SEZ6L: variants seen among roughly 807,000 people sequenced by gnomAD.
SEZ6L encodes seizure related 6 homolog like, also known as seizure 6-like protein.
Under a neutral mutation model 106.2 loss-of-function variants are expected in SEZ6L, and 37 were observed. The ratio of observed to expected loss-of-function variants is 0.35; its 90% CI spans 0.27 to 0.46. The LOEUF (loss-of-function observed/expected upper bound fraction) is 0.46, where lower values mean the gene tolerates loss of function less well. Among genes scored for constraint, SEZ6L ranks in the 20% least tolerant of loss-of-function variants. The probability of loss-of-function intolerance (pLI) is 1.00; values close to 1 mark genes in which losing one functional copy is unlikely to be tolerated. For synonymous variants in SEZ6L, 541 were observed against 570.4 expected (o/e 0.95, Z 0.73); for missense variants, 1,172 against 1,332.8 (o/e 0.88, Z 1.88).
At chr22:26,191,604 G>A (rs1940225239) in intron 1 of SEZ6L, among the ~76,000 whole-genome samples, 1 of 151,750 alleles carries the variant, frequency 6.6e-6, no homozygotes, top group South Asian at 2.1e-4. Context: ...GGGGTGGGAG[G>A]AGGGAGAGCA....
intron 12 of SEZ6L, among the ~76,000 whole-genome samples, chr22:26,359,204 T>G (rs190765082): frequency 6.6e-6 from 1 of 152,148 alleles, no homozygotes; most frequent in Non-Finnish European, 1.5e-5. Context: ...TGGGGAAAAA[T>G]TCCATATGAC....
chr22:26,300,156 A>AT lies in SEZ6L; in HGVS notation c.1348+996dup, dbSNP rs35878349. ...AGATGTCTAGTCAGGTCCTTTGCCC[A>AT]TTTTTTTTTAATTATACTTTAAGTT... is the stretch of plus-strand genomic sequence containing the variant. On this transcript the variant is annotated intron_variant, in intron 5 of 16. Transcript: ENST00000248933. Among the ~76,000 whole-genome samples, 37 of 151,228 alleles carry AT rather than the reference A, an allele frequency of 2.4e-4. 1 individual carries two copies. Among genetic ancestry groups the AT allele is most frequent in the African/African-American group, 3.2e-4 (13 of 41,268 alleles).
chr22:26,293,512 G>A lies in SEZ6L; in HGVS notation c.835+366G>A, dbSNP rs905224558. On this transcript the variant is annotated intron_variant, in intron 2 of 16. Coordinates refer to ENST00000248933, the MANE Select transcript of SEZ6L (RefSeq NM_021115.5). ...TGTCCAGCTAATTTTTTTGTTTTTT[G>A]TAGAAAGGGGGTCTTGCTTATTGTC... Among the ~76,000 whole-genome samples the A allele has an allele frequency of 2.0e-5, 3 of 151,902 alleles. 1 individual carries two copies. Among genetic ancestry groups the A allele is most frequent in the Non-Finnish European group, 4.4e-5 (3 of 67,962 alleles).
At chr22:26,369,534 T>G (rs1807574) in intron 13 of SEZ6L, among the ~76,000 whole-genome samples, 77,122 of 149,142 alleles carry the variant, frequency 0.52, 20,865 homozygotes, top group East Asian at 0.95. Context: ...TAGAGACGGG[T>G]TTTCACCGTG....
chr22:26,299,435 A>G (rs1403560735), intron 5 of SEZ6L, among the ~76,000 whole-genome samples: 1 of 152,210 alleles, frequency 6.6e-6, no homozygotes, highest in African/African-American at 2.4e-5. Flanking sequence ...TAACACCCCA[A>G]ATGGAAACAC....
chr22:26,358,530 G>T (rs564042749), intron 12 of SEZ6L, among the ~76,000 whole-genome samples: 83 of 152,222 alleles, frequency 5.5e-4, no homozygotes, highest in African/African-American at 1.9e-3. Flanking sequence ...ACTTGATTTC[G>T]AGCTTTTTGT....
At chr22:26,232,346 TCACACACACACACACACACACA>T (rs10654892) in intron 1 of SEZ6L, among the ~76,000 whole-genome samples, 337 of 133,272 alleles carry the variant, frequency 2.5e-3, no homozygotes, top group African/African-American at 6.5e-3. Context: ...TCTCTGTCTT[TCACACACACACACACACACACA>T]CACACACACA....
At chr22:26,245,536 TGGTGCCTCC>T (rs2079307152) in intron 1 of SEZ6L, among the ~76,000 whole-genome samples, 1 of 152,176 alleles carries the variant, frequency 6.6e-6, no homozygotes, top group African/African-American at 2.4e-5. Context: ...GACCTGATGG[TGGTGCCTCC>T]TTTAAGTTTT....
At chr22:26,219,758 G>C (rs981095411) in intron 1 of SEZ6L, among the ~76,000 whole-genome samples, 7 of 152,194 alleles carry the variant, frequency 4.6e-5, no homozygotes, top group Non-Finnish European at 8.8e-5. Flanking sequence ...AAAAAGAACA[G>C]TGTCACAGGG....
intron 12 of SEZ6L, among the ~76,000 whole-genome samples, chr22:26,358,346 C>T (rs1427728526): frequency 6.6e-6 from 1 of 152,218 alleles, no homozygotes; most frequent in East Asian, 1.9e-4. Flanking sequence ...CCAGCTTTCT[C>T]ACCAAAAAGA....
intron 10 of SEZ6L, among the ~76,000 whole-genome samples, chr22:26,346,156 C>A (rs1601564724): frequency 6.6e-6 from 1 of 151,950 alleles, no homozygotes; most frequent in Non-Finnish European, 1.5e-5. Context: ...GCCTCCTGAG[C>A]AGCTGGGACT....
rs549262293 is a variant in SEZ6L at position 26,381,825 on chromosome 22, G to A, written c.*1530G>A. The A allele has an allele frequency of 3.0e-5, 10 of 333,830 alleles. No individual in the cohort carries two copies. The highest frequency in any genetic ancestry group is 8.6e-5 in the African/African-American group (4 of 46,414). 20.7% of individuals were successfully genotyped at this position (333,830 alleles called of 1,614,324 possible). A position where few individuals can be genotyped will look rare whatever the true frequency, so the allele number is the denominator to read the frequency against. On this transcript the variant is annotated 3_prime_UTR_variant, in exon 17 of 17. Transcript: ENST00000248933. Reference sequence around the variant, plus strand: ...CAGTCAATGGCTTGGACAGACAGACGGGCACAGTGGCATTTGGAACCCTCT... The same window carrying A: ...CAGTCAATGGCTTGGACAGACAGACAGGCACAGTGGCATTTGGAACCCTCT...
chr22:26,344,336 G>A (rs1189427671), intron 10 of SEZ6L, among the ~76,000 whole-genome samples: 3 of 152,238 alleles, frequency 2.0e-5, no homozygotes, highest in Non-Finnish European at 4.4e-5. Flanking sequence ...GCATGGGATG[G>A]AAGGGAATAA....
chr22:26,294,871 C>CTCTTTCTTTCTT (rs367724577), intron 3 of SEZ6L, among the ~76,000 whole-genome samples: 2 of 73,216 alleles, frequency 2.7e-5, no homozygotes, highest in African/African-American at 5.5e-5. Flanking sequence ...CTTTCTCTTT[C>CTCTTTCTTTCTT]TCTTTCTTTC....
intron 10 of SEZ6L, among the ~76,000 whole-genome samples, 179 bp from the exon 11 acceptor site, chr22:26,347,540 G>A (rs563430903): frequency 6.6e-6 from 1 of 152,136 alleles, no homozygotes; most frequent in Non-Finnish European, 1.5e-5. Flanking sequence ...GGCCCACAGA[G>A]AGAGGTAACC....
intron 10 of SEZ6L, among the ~76,000 whole-genome samples, chr22:26,345,590 C>A (rs535876958): frequency 6.6e-6 from 1 of 152,304 alleles, no homozygotes; most frequent in East Asian, 1.9e-4. Flanking sequence ...GTCCCCCCAC[C>A]AAGCAATTCT....
intron 10 of SEZ6L, among the ~76,000 whole-genome samples, chr22:26,347,407 T>C (rs959840275): frequency 1.3e-5 from 2 of 152,092 alleles, no homozygotes; most frequent in Non-Finnish European, 2.9e-5. Flanking sequence ...GAACCTGAGC[T>C]GCAGAGTCAA....
chr22:26,266,322 A>G (rs1157942464), intron 1 of SEZ6L, among the ~76,000 whole-genome samples: 1 of 151,606 alleles, frequency 6.6e-6, no homozygotes, highest in African/African-American at 2.4e-5. Flanking sequence ...GCACTTTGGG[A>G]GGCCAAGGCG....
At chr22:26,305,935 C>T in intron 5 of SEZ6L, 44 bp from the exon 6 acceptor site, 1 of 1,485,154 alleles carries the variant, frequency 6.7e-7, no homozygotes, top group Non-Finnish European at 9.3e-7. Flanking sequence ...CTCTCTCTCC[C>T]TCTCTGCTCT....
Sources: gnomAD v4.1 joint callset for allele counts (sites outside exome capture counted in the v4.1 genomes callset) on GRCh38, gnomAD v4.1.1 for gene constraint, MANE v1.5 for transcripts, NCBI Gene and HGNC (gene_info 2026-07-23, HGNC 2026-07-21) for gene names.